The following EQTN variants were observed in gnomAD, a reference collection of about 807,000 sequenced individuals.
EQTN encodes the protein equatorin, also known as Acrosome formation associated factor.
A neutral mutation model predicts 26.9 loss-of-function variants in EQTN; 29 were observed. That is an observed-to-expected ratio of 1.08 (90% CI 0.80 to 1.47). The LOEUF (loss-of-function observed/expected upper bound fraction) is 1.47. EQTN is among the 40% of genes most tolerant of loss of function. EQTN has a pLI of 0.00. For missense variants in EQTN, 391 were observed against 346.1 expected, an observed-to-expected ratio of 1.13 and a Z score of -1.03; for synonymous variants, 129 against 120.0, an observed-to-expected ratio of 1.07 and a Z score of -0.49.
chr9:27,296,917 T>C, intron 1 of EQTN, 63 bp downstream of exon 1: 1 of 1,580,970 alleles, frequency 6.3e-7, no homozygotes, highest in Non-Finnish European at 8.6e-7. Flanking sequence ...ATACCAATTT[T>C]TCATGATTAT....
chr9:27,289,697 T>C lies in EQTN; in HGVS notation c.456A>G (p.Lys152=). The change falls in exon 6 of 8, where the codon AAA becomes AAG. Residue 152 remains lysine, a synonymous_variant. Transcript: ENST00000380032. The stretch of plus-strand genomic sequence containing the variant: ...CTGGAATTGGGTGAAATAATTGATC[T>C]TTATCATCCATGACCACTGCTGTTC... ...INGTAVVMDD[K]DQLFHPIPES... 6.2e-7 allele frequency: 1 copy of C among 1,608,482 alleles called. No homozygotes were observed. Among genetic ancestry groups the C allele is most frequent in the Non-Finnish European group, 8.5e-7 (1 of 1,177,124 alleles).
Position 27,291,186 on chromosome 9 carries a change from T to A in EQTN, c.377-123A>T, listed in dbSNP as rs1197910405. The A allele has an allele frequency of 1.7e-5, 13 of 764,426 alleles. No individual in the cohort carries two copies. In the East Asian group the frequency reaches 3.7e-4, roughly 22 times the overall value. The allele number at this position is 764,426 out of a possible 1,614,324, so 47.4% of individuals were successfully genotyped here. On this transcript the variant is annotated intron_variant, in intron 4 of 7. Transcript: ENST00000380032. ...AGTTAAACTTTGAGCTCCTATAATG[T>A]GTCAGACCTGTGGTTGGCACTAACT...
intron 1 of EQTN, 66 bp downstream of exon 1, chr9:27,296,914 T>C: frequency 6.3e-7 from 1 of 1,579,378 alleles, no homozygotes; most frequent in Non-Finnish European, 8.6e-7. Context: ...CACATACCAA[T>C]TTTTCATGAT....
Position 27,284,766 on chromosome 9 carries a change from G to C in EQTN, c.842C>G (p.Ser281Ter), listed in dbSNP as rs1267321269. The C allele has an allele frequency of 1.9e-6, 3 of 1,613,942 alleles. No homozygotes were observed. Among genetic ancestry groups the C allele is most frequent in the Non-Finnish European group, 2.5e-6 (3 of 1,179,998 alleles). ...KIMTDIISIGSDNEMHENDES... is the reference protein window; with the variant it reads ...KIMTDIISIG ...ATCGTTTTCATGCATCTCATTATCTGAGCCTATGGAAATGATATCCGTCAT... is the reference window on the plus strand; with the variant it reads ...ATCGTTTTCATGCATCTCATTATCTCAGCCTATGGAAATGATATCCGTCAT... The change falls in exon 8 of 8, where the codon TCA (serine) becomes TGA (stop). Residue 281 changes from serine to a stop codon, truncating the protein, a stop_gained. Transcript: ENST00000380032. LOFTEE classifies it low-confidence loss of function (END_TRUNC).
At position 27,284,996 on chromosome 9, in the gene EQTN, C is replaced by A. The variant is rs575336936; in HGVS notation, c.636-24G>T. ...AACTGAAGAAGAAAAGAACATATAT[C>A]AAGAATTGTTTTTAATTGTGTACAT... On this transcript the variant is annotated intron_variant, in intron 7 of 7. Coordinates refer to ENST00000380032, the MANE Select transcript of EQTN (RefSeq NM_020641.3). 4 of 1,591,960 alleles carry A rather than the reference C, an allele frequency of 2.5e-6. No individual in the cohort carries two copies. In the African/African-American group the frequency reaches 5.4e-5, roughly 21 times the overall value.
chr9:27,296,548 A>T (rs1354270832), intron 2 of EQTN, 65 bp downstream of exon 2: 1 of 1,141,954 alleles, frequency 8.8e-7, no homozygotes, highest in Non-Finnish European at 1.2e-6. Flanking sequence ...TTTAAAAAGG[A>T]CACTTAAGTG....
chr9:27,287,160 C>G (rs1000236109), intron 6 of EQTN, among the ~76,000 whole-genome samples: 1 of 152,028 alleles, frequency 6.6e-6, no homozygotes, highest in Admixed American at 6.6e-5. Flanking sequence ...CAGCATCTGC[C>G]AACTCAAAAG....
chr9:27,290,514 A>G (rs7875778), intron 5 of EQTN, among the ~76,000 whole-genome samples: 2 of 152,042 alleles, frequency 1.3e-5, no homozygotes, highest in Non-Finnish European at 2.9e-5. Flanking sequence ...TATACAATGC[A>G]TATATTTCTG....
At position 27,286,238 on chromosome 9, in the gene EQTN, A is replaced by G. The variant is rs748037421; in HGVS notation, c.606T>C (p.Ser202=). ...LLFVVLLAFC[S]ATLYKLRHLS... The stretch of plus-strand genomic sequence containing the variant: ...GATGCCTCAGTTTGTACAGTGTAGC[A>G]CTACAGAATGCCAAGAGGACCACAA... Residue 202 remains serine, a synonymous_variant, in exon 7 of 8, where the codon AGT becomes AGC. Coordinates refer to ENST00000380032, the MANE Select transcript of EQTN (RefSeq NM_020641.3). The G allele has an allele frequency of 1.2e-6, 2 of 1,614,064 alleles. No homozygotes were observed. The highest frequency in any genetic ancestry group is 2.2e-5 in the East Asian group (1 of 44,886).
intron 3 of EQTN, among the ~76,000 whole-genome samples, chr9:27,293,276 C>T (rs945545990): frequency 1.3e-5 from 2 of 152,090 alleles, no homozygotes; most frequent in African/African-American, 4.8e-5. Context: ...AAGCAGAACT[C>T]GAAAAGTGAG....
At position 27,289,683 on chromosome 9, in the gene EQTN, T is replaced by C. The variant is rs769670845; in HGVS notation, c.470A>G (p.His157Arg). 1.9e-6 allele frequency: 3 copies of C among 1,606,704 alleles called. No homozygotes were observed. Among genetic ancestry groups the C allele is most frequent in the Non-Finnish European group, 2.6e-6 (3 of 1,176,162 alleles). The change falls in exon 6 of 8, where the codon CAC becomes CGC. Residue 157 changes from histidine to arginine, a missense_variant. Coordinates refer to ENST00000380032, the MANE Select transcript of EQTN (RefSeq NM_020641.3). ...VVMDDKDQLF[H>R]PIPESDVNAT... ...TATTTTGTTCTTACCTGGAATTGGGTGAAATAATTGATCTTTATCATCCAT... is the reference window on the plus strand; with the variant it reads ...TATTTTGTTCTTACCTGGAATTGGGCGAAATAATTGATCTTTATCATCCAT...
rs148711172 is a variant in EQTN, at chr9:27,296,672, G to A, written c.143C>T (p.Thr48Ile). The change falls in exon 2 of 8, where the codon ACT becomes ATT. Residue 48 changes from threonine to isoleucine, a missense_variant. Thr to Ile is a moderately conservative substitution (Grantham distance 89). Coordinates refer to ENST00000380032, the MANE Select transcript of EQTN (RefSeq NM_020641.3). The stretch of plus-strand genomic sequence containing the variant: ...CTCATTAGCAGGAGCATAATTGGGA[G>A]TATGATCTTCATTCTTTTCTTCCTG... ...NKQEEKNEDH[T>I]PNYAPANEKN... is the part of the protein sequence containing the mutation. The A allele has an allele frequency of 1.9e-6, 3 of 1,600,444 alleles. No homozygotes were observed. Among genetic ancestry groups the A allele is most frequent in the Admixed American group, 3.4e-5 (2 of 59,164 alleles).
intron 6 of EQTN, among the ~76,000 whole-genome samples, chr9:27,288,150 T>C (rs1820158403): frequency 6.6e-6 from 1 of 152,160 alleles, no homozygotes; most frequent in African/African-American, 2.4e-5. Flanking sequence ...ATCAATCCAG[T>C]GCACAAATGA....
At chr9:27,292,053 T>C (rs1196159486) in intron 4 of EQTN, 1 of 154,122 alleles carries the variant, frequency 6.5e-6, no homozygotes, top group South Asian at 2.1e-4. Flanking sequence ...AGGCAGAATA[T>C]TTTCCATTAT....
In EQTN at chr9:27,296,884, ATCC is replaced by A. The variant is rs1820356226; in HGVS notation, c.76+93_76+95del. On this transcript the variant is annotated intron_variant, in intron 1 of 7. Transcript: ENST00000380032. Reference sequence around the variant, plus strand: ...CCATAGCTCCAACAATAAAGTTTATATCCTCCTGTAGAAAACTGCCACATACCA... The same window carrying A: ...CCATAGCTCCAACAATAAAGTTTATATCCTGTAGAAAACTGCCACATACCA... The A allele has an allele frequency of 1.9e-6, 3 of 1,560,128 alleles. No homozygotes were observed. The South Asian group carries it at 3.6e-5, about 19-fold the overall frequency.
intron 1 of EQTN, 25 bp from the exon 2 acceptor site, chr9:27,296,763 A>C: frequency 6.3e-7 from 1 of 1,592,204 alleles, no homozygotes; most frequent in Non-Finnish European, 8.5e-7. Context: ...CACACACCAT[A>C]GATCAGAAAT....
intron 4 of EQTN, 79 bp from the exon 5 acceptor site, chr9:27,291,142 C>CATTT (rs59009836): frequency 0.28 from 374,755 of 1,316,938 alleles, 57,606 homozygotes; most frequent in African/African-American, 0.49. Context: ...GAGGAACATT[C>CATTT]GTTTGTTAGT....
rs185629921 is a variant in EQTN at position 27,291,159 on chromosome 9, G to C, written c.377-96C>G. 1.3e-3 allele frequency: 1,554 copies of C among 1,161,448 alleles called. 3 individuals carry two copies. Among genetic ancestry groups the C allele is most frequent in the Middle Eastern group, 1.8e-3 (7 of 3,890 alleles). The allele number at this position is 1,161,448 out of a possible 1,614,324, so 71.9% of individuals were successfully genotyped here. A position where few individuals can be genotyped will look rare whatever the true frequency, so the allele number is the denominator to read the frequency against. ...GGAACATTCGTTTGTTAGTCATTTAGCAGTTAAACTTTGAGCTCCTATAAT... is the reference window on the plus strand; with the variant it reads ...GGAACATTCGTTTGTTAGTCATTTACCAGTTAAACTTTGAGCTCCTATAAT... On this transcript the variant is annotated intron_variant, in intron 4 of 7. Coordinates refer to ENST00000380032, the MANE Select transcript of EQTN (RefSeq NM_020641.3).
chr9:27,296,735 A>T lies in EQTN; in HGVS notation c.80T>A (p.Leu27Ter). Residue 27 changes from leucine (L) to a stop codon, truncating the protein, a stop_gained, in exon 2 of 8, where the codon TTG (leucine) becomes TAG (stop). Coordinates refer to ENST00000380032, the MANE Select transcript of EQTN (RefSeq NM_020641.3). LOFTEE classifies it high-confidence loss of function. ...SSTLKPTIEA[L>*]PNVLPLNEDV... ...TTCATTTAAAGGTAGCACATTAGGC[A>T]ATGCTAAAAAAAAGTATCACACACC... The T allele has an allele frequency of 1.2e-6, 2 of 1,603,304 alleles. No homozygotes were observed. The highest frequency in any genetic ancestry group is 2.2e-5 in the East Asian group (1 of 44,722).
Sources: allele counts gnomAD v4.1 joint callset (sites outside exome capture counted in the v4.1 genomes callset), GRCh38; gene constraint gnomAD v4.1.1; transcripts MANE v1.5; gene names NCBI Gene and HGNC (gene_info 2026-07-23, HGNC 2026-07-21).